HABP2: variants seen among roughly 807,000 people sequenced by gnomAD.
The protein encoded by HABP2 is factor VII-activating protease.
A neutral mutation model predicts 66.5 loss-of-function variants in HABP2; 65 were observed. The ratio of observed to expected loss-of-function variants is 0.98; its 90% CI spans 0.80 to 1.20. The LOEUF (loss-of-function observed/expected upper bound fraction) is 1.20, where lower values mean the gene tolerates loss of function less well. Among genes scored for constraint, HABP2 ranks in the 50% most tolerant of loss-of-function variants. HABP2 has a pLI of 0.00. For missense variants in HABP2, 786 were observed against 691.0 expected, an observed-to-expected ratio of 1.14 and a Z score of -1.54; for synonymous variants, 263 against 253.9, an observed-to-expected ratio of 1.04 and a Z score of -0.34.
chr10:113,555,668 A>G (rs930722554), intron 1 of HABP2, among the ~76,000 whole-genome samples: 2 of 152,120 alleles, frequency 1.3e-5, no homozygotes, highest in South Asian at 2.1e-4. Context: ...GGCATCATTC[A>G]TTGTGCCTTG....
chr10:113,585,335 T>G (rs1164737128), intron 11 of HABP2, among the ~76,000 whole-genome samples: 1 of 152,204 alleles, frequency 6.6e-6, no homozygotes, highest in African/African-American at 2.4e-5. Flanking sequence ...GCCTTTATGT[T>G]CTCTAAGACT....
chr10:113,587,367 T>C (rs1186516044), intron 12 of HABP2, among the ~76,000 whole-genome samples: 1 of 152,154 alleles, frequency 6.6e-6, no homozygotes, highest in Non-Finnish European at 1.5e-5. Flanking sequence ...ATTCCCTAGA[T>C]AATTGAAGGC....
At chr10:113,577,979 G>T (rs745314699) in intron 5 of HABP2, 47 bp from the exon 6 acceptor site, 80 of 1,604,006 alleles carry the variant, frequency 5.0e-5, no homozygotes, top group Non-Finnish European at 6.4e-5. Flanking sequence ...GACATGGGCT[G>T]CAACTCCTTC....
At chr10:113,574,471 A>T (rs1845373006) in intron 3 of HABP2, 66 bp downstream of exon 3, 1 of 774,850 alleles carries the variant, frequency 1.3e-6, no homozygotes, top group South Asian at 1.5e-5. Flanking sequence ...ATGTGGGACC[A>T]CATGCAAGGG....
intron 1 of HABP2, 38 bp downstream of exon 1, chr10:113,553,228 C>A (rs1844930810): frequency 1.4e-6 from 2 of 1,454,416 alleles, no homozygotes; most frequent in East Asian, 4.5e-5. Context: ...TTGAGAGACT[C>A]CGAAGTTTAC....
chr10:113,551,304 C>T (rs1185667846), upstream of HABP2, among the ~76,000 whole-genome samples: 1 of 152,212 alleles, frequency 6.6e-6, no homozygotes, highest in Non-Finnish European at 1.5e-5. Context: ...ACGGCTGTGA[C>T]ATTACAACCT....
At chr10:113,565,012 A>T (rs61864856) in intron 1 of HABP2, among the ~76,000 whole-genome samples, 2 of 137,366 alleles carry the variant, frequency 1.5e-5, no homozygotes, top group East Asian at 2.0e-4. Flanking sequence ...ACATCCAGCT[A>T]ATTTTTTGTA....
chr10:113,562,575 G>A (rs988298139), intron 1 of HABP2, among the ~76,000 whole-genome samples: 1 of 151,690 alleles, frequency 6.6e-6, no homozygotes, highest in Non-Finnish European at 1.5e-5. Context: ...CACCCGAGTA[G>A]CTGGGACTAC....
chr10:113,582,041 T>C lies in HABP2; in HGVS notation c.1004T>C (p.Leu335Pro). Residue 335 changes from leucine to proline, a missense_variant, in exon 9 of 13, where the codon CTG becomes CCG. Transcript: ENST00000351270. ...HPWQASLQSSLPLTISMPQGH... is the reference protein window; with the variant it reads ...HPWQASLQSSPPLTISMPQGH... ...TGGCAGGCGTCCCTCCAGTCCTCGC[T>C]GCCTCTGACCATCTCCATGCCCCAG... 1 of 1,613,990 alleles carries C rather than the reference T, an allele frequency of 6.2e-7. No homozygotes were observed. The highest frequency in any genetic ancestry group is 1.3e-5 in the African/African-American group (1 of 75,066).
rs951554391 is a variant in HABP2 at position 113,589,360 on chromosome 10, A to C, written c.*991A>C. 5 of 561,698 alleles carry C rather than the reference A, an allele frequency of 8.9e-6. No homozygotes were observed. Among genetic ancestry groups the C allele is most frequent in the African/African-American group, 7.5e-5 (4 of 53,336 alleles). 34.8% of individuals were successfully genotyped at this position (561,698 alleles called of 1,614,324 possible). ...AGCGAGTCCCTGACCCTTTCTGCGAATGTAACGAGCAAGCAGTCAGCACAG... is the reference window on the plus strand; with the variant it reads ...AGCGAGTCCCTGACCCTTTCTGCGACTGTAACGAGCAAGCAGTCAGCACAG... On this transcript the variant is annotated 3_prime_UTR_variant, in exon 13 of 13. Transcript: ENST00000351270.
intron 7 of HABP2, among the ~76,000 whole-genome samples, chr10:113,580,263 A>G (rs1359770229): frequency 2.0e-5 from 3 of 152,200 alleles, no homozygotes; most frequent in Admixed American, 6.5e-5. Flanking sequence ...CACCATGTTT[A>G]TGTGATGATT....
At chr10:113,567,460 C>G in intron 1 of HABP2, 29 bp from the exon 2 acceptor site, 2 of 1,597,138 alleles carry the variant, frequency 1.3e-6, no homozygotes, top group East Asian at 2.2e-5. Flanking sequence ...CATCTCAACG[C>G]TGATCTGCTG....
upstream of HABP2, among the ~76,000 whole-genome samples, chr10:113,551,523 C>T (rs1325778169): frequency 6.6e-6 from 1 of 152,140 alleles, no homozygotes; most frequent in African/African-American, 2.4e-5. Context: ...AAAGGGACTA[C>T]AGCCAGGCGC....
In HABP2 at chr10:113,577,200, A is replaced by T. The variant is rs1299843135; in HGVS notation, c.382A>T (p.Thr128Ser). The change falls in exon 5 of 13, where the codon ACC (threonine) becomes TCC (serine). Residue 128 changes from threonine (T) to serine (S), a missense_variant. By Grantham distance (58) the Thr-to-Ser change is moderately conservative (BLOSUM62 1). Transcript: ENST00000351270. ...ATGTGGCCGGGGCCAATGTCTCATT[A>T]CCCAGAGTCCTCCCTACTACCGCTG... ...NPCGRGQCLI[T>S]QSPPYYRCVC... The T allele has an allele frequency of 2.5e-6, 4 of 1,613,310 alleles. No homozygotes were observed. Among genetic ancestry groups the T allele is most frequent in the Non-Finnish European group, 3.4e-6 (4 of 1,179,222 alleles).
intron 2 of HABP2, among the ~76,000 whole-genome samples, chr10:113,570,485 C>T (rs1276369126): frequency 6.6e-6 from 1 of 152,212 alleles, no homozygotes; most frequent in Non-Finnish European, 1.5e-5. Flanking sequence ...AAAGCTCCTC[C>T]CTTTTCTATA....
intron 9 of HABP2, 58 bp downstream of exon 9, chr10:113,582,189 C>T: frequency 6.6e-7 from 1 of 1,522,282 alleles, no homozygotes; most frequent in Non-Finnish European, 8.8e-7. Context: ...GTGCTCTCCC[C>T]TTCCCCTCTG....
At chr10:113,582,205 C>G (rs1845552277) in intron 9 of HABP2, 74 bp downstream of exon 9, 1 of 1,429,436 alleles carries the variant, frequency 7.0e-7, no homozygotes, top group African/African-American at 1.4e-5. Flanking sequence ...CTCTGAGCAG[C>G]ATCTTTGTAG....
chr10:113,576,114 C>T (rs181206049), intron 4 of HABP2, 110 bp downstream of exon 4: 1 of 704,124 alleles, frequency 1.4e-6, no homozygotes, highest in Admixed American at 2.1e-5. Context: ...AACTGCAATA[C>T]TGTATCATGC....
At chr10:113,563,647 G>A (rs1444252528) in intron 1 of HABP2, among the ~76,000 whole-genome samples, 1 of 152,178 alleles carries the variant, frequency 6.6e-6, no homozygotes, top group African/African-American at 2.4e-5. Context: ...GCCACCTGCT[G>A]GCTGTAGGCA....
Sources: allele counts gnomAD v4.1 joint callset (sites outside exome capture counted in the v4.1 genomes callset), GRCh38; gene constraint gnomAD v4.1.1; transcripts MANE v1.5; gene names NCBI Gene and HGNC (gene_info 2026-07-23, HGNC 2026-07-21).